Variants in SEC23IP observed in about 807,000 individuals in gnomAD.
SEC23IP encodes SEC23 interacting protein, also known as SEC23-interacting protein.
A neutral mutation model predicts 113.4 loss-of-function variants in SEC23IP; 70 were observed. That is an observed-to-expected ratio of 0.62 (90% CI 0.51 to 0.75). The LOEUF is 0.75. SEC23IP is among the 30% of genes least tolerant of loss of function. The pLI is 0.00. For synonymous variants in SEC23IP, 398 were observed against 421.0 expected (o/e 0.95, Z 0.67); for missense variants, 1,160 against 1,204.9 (o/e 0.96, Z 0.55).
At position 119,918,412 on chromosome 10, in the gene SEC23IP, C is replaced by A; in HGVS notation, c.1773C>A (p.Asp591Glu). Residue 591 changes from aspartate (D) to glutamate (E), a missense_variant, in exon 10 of 19, where the codon GAC becomes GAA. Asp to Glu is a conservative substitution (Grantham distance 45, BLOSUM62 2). Coordinates refer to ENST00000369075, the MANE Select transcript of SEC23IP (RefSeq NM_007190.4). ...TCATAGGTTCTTTAATATTGTTTGA[C>A]ATCCTGTCTAATCAAAAAGATTTGA... Reference protein sequence around the residue: ...GHSLGSLILFDILSNQKDLNL... With the variant: ...GHSLGSLILFEILSNQKDLNL... 1 of 1,605,492 alleles carries A rather than the reference C, an allele frequency of 6.2e-7. No individual in the cohort carries two copies. The highest frequency in any genetic ancestry group is 8.5e-7 in the Non-Finnish European group (1 of 1,172,370).
At position 119,904,087 on chromosome 10, in the gene SEC23IP, A is replaced by G. The variant is rs768527941; in HGVS notation, c.911A>G (p.Gln304Arg). 2 of 1,613,792 alleles carry G rather than the reference A, an allele frequency of 1.2e-6. No homozygotes were observed. The highest frequency in any genetic ancestry group is 3.3e-5 in the Admixed American group (2 of 59,970). The change falls in exon 4 of 19, where the codon CAG (glutamine) becomes CGG (arginine). Residue 304 changes from glutamine to arginine, a missense_variant. Transcript: ENST00000369075. ...AAGTGTTAATTTTGTTCTCTAGTTC[A>G]GCCAGATCCGGAGAGCGTGGTTCTT... The part of the protein sequence containing the change: ...LNLEEIYNSV[Q>R]PDPESVVLGT...
At chr10:119,930,504 A>G (rs2134524235) in intron 15 of SEC23IP, 73 bp downstream of exon 15, 1 of 837,134 alleles carries the variant, frequency 1.2e-6, no homozygotes, top group South Asian at 1.6e-5. Context: ...AAATTTTGAC[A>G]CTAAATCGTC....
chr10:119,921,360 G>A lies in SEC23IP; in HGVS notation c.2121+376G>A, dbSNP rs190027438. Among the ~76,000 whole-genome samples the A allele has an allele frequency of 3.3e-5, 5 of 152,302 alleles. No individual in the cohort carries two copies. In the East Asian group the frequency reaches 7.7e-4, roughly 23 times the overall value. On this transcript the variant is annotated intron_variant, in intron 12 of 18. Coordinates refer to ENST00000369075, the MANE Select transcript of SEC23IP (RefSeq NM_007190.4). ...GGTTTTATTCATTTGTTTATTTTGA[G>A]ATGGGATCTTGCTGTGTTTCCCACT...
In SEC23IP at chr10:119,892,827, T is replaced by G. The variant is rs138052751; in HGVS notation, c.45T>G (p.Thr15=). The change falls in exon 1 of 19, where the codon ACT becomes ACG. Residue 15 remains threonine (T), a synonymous_variant. Coordinates refer to ENST00000369075, the MANE Select transcript of SEC23IP (RefSeq NM_007190.4). Reference sequence around the variant, plus strand: ...ACGGTGGCAGCGGCGGCGCCTCCACTTCCTCATCGGGCACTAACTTACTTT... The same window carrying G: ...ACGGTGGCAGCGGCGGCGCCTCCACGTCCTCATCGGGCACTAACTTACTTT... ...KPNGGSGGAS[T]SSSGTNLLFS... 5.3e-5 allele frequency: 86 copies of G among 1,613,338 alleles called. No individual in the cohort carries two copies. Among genetic ancestry groups the G allele is most frequent in the Non-Finnish European group, 7.1e-5 (84 of 1,179,824 alleles).
At position 119,933,050 on chromosome 10, in the gene SEC23IP, A is replaced by G. The variant is rs1180789810; in HGVS notation, c.2804A>G (p.Tyr935Cys). ...ESPDFSKDED[Y>C]LGKVGMLNGG... ...CCAGATTTTTCCAAGGATGAGGACT[A>G]CTTAGGAAAGGTTGGAATGTTAAAT... Residue 935 changes from tyrosine to cysteine, a missense_variant, in exon 17 of 19, where the codon TAC (tyrosine) becomes TGC (cysteine). Coordinates refer to ENST00000369075, the MANE Select transcript of SEC23IP (RefSeq NM_007190.4). 4 of 1,614,072 alleles carry G rather than the reference A, an allele frequency of 2.5e-6. No homozygotes were observed. Among genetic ancestry groups the G allele is most frequent in the South Asian group, 2.2e-5 (2 of 91,084 alleles).
intron 18 of SEC23IP, among the ~76,000 whole-genome samples, chr10:119,935,326 T>G (rs1252203876): frequency 6.6e-6 from 1 of 152,024 alleles, no homozygotes; most frequent in Non-Finnish European, 1.5e-5. Flanking sequence ...CCGGGCATGG[T>G]AGTAGGTGCC....
intron 18 of SEC23IP, among the ~76,000 whole-genome samples, chr10:119,937,015 G>A (rs1378820870): frequency 2.6e-5 from 4 of 151,850 alleles, no homozygotes; most frequent in Non-Finnish European, 5.9e-5. Context: ...AGCCTCCCGA[G>A]TAGCTGGGAC....
intron 8 of SEC23IP, 132 bp from the exon 9 acceptor site, chr10:119,917,700 ACTAT>A (rs775756760): frequency 2.5e-4 from 161 of 642,190 alleles, no homozygotes; most frequent in Non-Finnish European, 3.5e-4. Context: ...ATTTATAATG[ACTAT>A]CTACAGAAAC....
intron 5 of SEC23IP, among the ~76,000 whole-genome samples, chr10:119,909,554 C>G (rs200990463): frequency 6.6e-6 from 1 of 152,100 alleles, no homozygotes; most frequent in East Asian, 1.9e-4. Context: ...CCCCGCTGCA[C>G]TCTAGTAGCC....
Position 119,930,388 on chromosome 10 carries a change from T to C in SEC23IP, c.2529T>C (p.Ala843=). 6.2e-7 allele frequency: 1 copy of C among 1,612,306 alleles called. No individual in the cohort carries two copies. The highest frequency in any genetic ancestry group is 1.7e-4 in the Middle Eastern group (1 of 5,972). The change falls in exon 15 of 19, where the codon GCT becomes GCC. Residue 843 remains alanine, a synonymous_variant. Coordinates refer to ENST00000369075, the MANE Select transcript of SEC23IP (RefSeq NM_007190.4). ...PMIVPDLDLK[A]VLIPHHKGRK... Reference sequence around the variant, plus strand: ...TTGTTCCAGATTTGGACCTAAAAGCTGTTCTCATTCCACATCACAAAGGCA... The same window carrying C: ...TTGTTCCAGATTTGGACCTAAAAGCCGTTCTCATTCCACATCACAAAGGCA...
chr10:119,903,164 A>T (rs1854554290), intron 3 of SEC23IP, among the ~76,000 whole-genome samples, 155 bp downstream of exon 3: 1 of 152,238 alleles, frequency 6.6e-6, no homozygotes, highest in Non-Finnish European at 1.5e-5. Context: ...ATAAGTCCTG[A>T]GTTACCTGGG....
rs2134460193 is a variant in SEC23IP at position 119,902,896 on chromosome 10, A to C, written c.794A>C (p.Gln265Pro). ...QVPSPFLLQNQYEPVQPHWFY... is the reference protein window; with the variant it reads ...QVPSPFLLQNPYEPVQPHWFY... Reference sequence around the variant, plus strand: ...CCATCTCCTTTTCTACTTCAAAACCAATATGAGCCTGTTCAGCCCCACTGG... The same window carrying C: ...CCATCTCCTTTTCTACTTCAAAACCCATATGAGCCTGTTCAGCCCCACTGG... The change falls in exon 3 of 19, where the codon CAA becomes CCA. Residue 265 changes from glutamine (Q) to proline (P), a missense_variant. By Grantham distance (76) the Gln-to-Pro change is moderately conservative (BLOSUM62 -1). Coordinates refer to ENST00000369075, the MANE Select transcript of SEC23IP (RefSeq NM_007190.4). 7 of 1,614,222 alleles carry C rather than the reference A, an allele frequency of 4.3e-6. No individual in the cohort carries two copies. The East Asian group carries it at 1.6e-4, about 36-fold the overall frequency.
At chr10:119,923,522 A>G (rs1855316645) in intron 12 of SEC23IP, among the ~76,000 whole-genome samples, 1 of 150,474 alleles carries the variant, frequency 6.6e-6, no homozygotes. Context: ...TGTTGGGGAT[A>G]TTGATAGTCA....
At chr10:119,894,646 G>T (rs1854208585) in intron 1 of SEC23IP, among the ~76,000 whole-genome samples, 1 of 152,186 alleles carries the variant, frequency 6.6e-6, no homozygotes, top group African/African-American at 2.4e-5. Flanking sequence ...GTTAGGTGTT[G>T]CTGTCTTTGG....
chr10:119,919,536 A>C lies in SEC23IP; in HGVS notation c.1965A>C (p.Ala655=). The change falls in exon 11 of 19, where the codon GCA becomes GCC. Residue 655 remains alanine, a synonymous_variant. Coordinates refer to ENST00000369075, the MANE Select transcript of SEC23IP (RefSeq NM_007190.4). Reference sequence around the variant, plus strand: ...TAACTTTGCAAGAAACTCTGGAAGCACTTAGCCTCTCTGAATATTTTAGCA... The same window carrying C: ...TAACTTTGCAAGAAACTCTGGAAGCCCTTAGCCTCTCTGAATATTTTAGCA... ...EVLTLQETLE[A]LSLSEYFSTF... The C allele has an allele frequency of 5.6e-6, 9 of 1,613,870 alleles. No individual in the cohort carries two copies. Among genetic ancestry groups the C allele is most frequent in the East Asian group, 2.2e-5 (1 of 44,864 alleles).
intron 3 of SEC23IP, among the ~76,000 whole-genome samples, 197 bp downstream of exon 3, chr10:119,903,206 A>G (rs1854554982): frequency 6.6e-6 from 1 of 152,242 alleles, no homozygotes; most frequent in South Asian, 2.1e-4. Flanking sequence ...TTAGTAATTT[A>G]CTTCGTAGTT....
chr10:119,902,715 T>A, intron 2 of SEC23IP, 84 bp from the exon 3 acceptor site: 1 of 1,039,518 alleles, frequency 9.6e-7, no homozygotes, highest in Non-Finnish European at 1.5e-6. Flanking sequence ...TGTAGGATAA[T>A]CTACTAACAT....
intron 1 of SEC23IP, 190 bp from the exon 2 acceptor site, chr10:119,898,237 T>C: frequency 9.6e-7 from 1 of 1,038,490 alleles, no homozygotes; most frequent in Non-Finnish European, 1.3e-6. Context: ...TTATTCATGT[T>C]TTCTAGTTTT....
intron 5 of SEC23IP, 73 bp from the exon 6 acceptor site, chr10:119,911,971 T>G: frequency 1.3e-6 from 2 of 1,564,212 alleles, no homozygotes; most frequent in Non-Finnish European, 8.8e-7. Context: ...GCTTATTATG[T>G]GTTAAACTAC....
Sources: allele counts gnomAD v4.1 joint callset (sites outside exome capture counted in the v4.1 genomes callset), GRCh38; gene constraint gnomAD v4.1.1; transcripts MANE v1.5; gene names NCBI Gene and HGNC (gene_info 2026-07-23, HGNC 2026-07-21).